TAFA4: variants seen among roughly 807,000 people sequenced by gnomAD.
The protein encoded by TAFA4 is chemokine-like protein TAFA-4.
In TAFA4, 20 loss-of-function variants were observed where a neutral mutation model predicts 21.1. The observed-to-expected ratio is 0.95, with a 90% CI of 0.67 to 1.38. The LOEUF (loss-of-function observed/expected upper bound fraction) is 1.38, where lower values mean the gene tolerates loss of function less well. Ranked by LOEUF, TAFA4 falls within the 40% of genes most tolerant of loss-of-function variation. The pLI is 0.00. For synonymous variants in TAFA4, 71 were observed against 67.4 expected (o/e 1.05, Z -0.26); for missense variants, 211 against 180.9 (o/e 1.17, Z -0.95).
chr3:68,874,672 A>T (rs2089525559), intron 3 of TAFA4, among the ~76,000 whole-genome samples: 1 of 152,116 alleles, frequency 6.6e-6, no homozygotes, highest in African/African-American at 2.4e-5. Flanking sequence ...TTCTGCCCTA[A>T]AGACTCAAAG....
chr3:68,847,131 C>G (rs1436051083), intron 3 of TAFA4, among the ~76,000 whole-genome samples: 1 of 152,198 alleles, frequency 6.6e-6, no homozygotes, highest in Non-Finnish European at 1.5e-5. Flanking sequence ...GTCCCTTCCC[C>G]GAGGTGATCT....
At chr3:68,915,910 A>C (rs1242290897) in intron 1 of TAFA4, among the ~76,000 whole-genome samples, 1 of 152,230 alleles carries the variant, frequency 6.6e-6, no homozygotes, top group Non-Finnish European at 1.5e-5. Flanking sequence ...TCCATTCAAT[A>C]AATATGGAAT....
chr3:68,918,971 G>C (rs2090031444), intron 1 of TAFA4, among the ~76,000 whole-genome samples: 1 of 152,096 alleles, frequency 6.6e-6, no homozygotes, highest in Admixed American at 6.5e-5. Context: ...TGTATACCAA[G>C]AGTAAACCTT....
chr3:68,788,999 T>G (rs1485479022), intron 3 of TAFA4, among the ~76,000 whole-genome samples: 1 of 151,986 alleles, frequency 6.6e-6, no homozygotes, highest in Non-Finnish European at 1.5e-5. Context: ...TTTGGGAGGC[T>G]GAGGTGGGTG....
At chr3:68,803,152 T>C (rs999797006) in intron 3 of TAFA4, among the ~76,000 whole-genome samples, 4 of 152,196 alleles carry the variant, frequency 2.6e-5, no homozygotes, top group East Asian at 1.9e-4. Context: ...TATTATTTTG[T>C]AGTTACCAGG....
intron 1 of TAFA4, among the ~76,000 whole-genome samples, chr3:68,920,937 G>A (rs1191232961): frequency 6.6e-6 from 1 of 152,246 alleles, no homozygotes; most frequent in East Asian, 1.9e-4. Context: ...GCCATCTCCA[G>A]CAGGGCCTTC....
chr3:68,762,755 G>T (rs1702779671), intron 3 of TAFA4, among the ~76,000 whole-genome samples: 1 of 152,198 alleles, frequency 6.6e-6, no homozygotes, highest in Admixed American at 6.5e-5. Flanking sequence ...AAGTGATGTT[G>T]GGGCCGGGCA....
At chr3:68,801,205 T>C (rs979282455) in intron 3 of TAFA4, among the ~76,000 whole-genome samples, 3 of 152,242 alleles carry the variant, frequency 2.0e-5, no homozygotes, top group African/African-American at 7.2e-5. Flanking sequence ...CTGATGGTCA[T>C]AGACATGTAG....
At chr3:68,856,018 G>A (rs1298798921) in intron 3 of TAFA4, among the ~76,000 whole-genome samples, 2 of 152,116 alleles carry the variant, frequency 1.3e-5, no homozygotes, top group Admixed American at 6.6e-5. Context: ...CTAAGATGGT[G>A]AGGCAGAAAA....
chr3:68,817,075 G>A (rs1383062223), intron 3 of TAFA4, among the ~76,000 whole-genome samples: 3 of 152,162 alleles, frequency 2.0e-5, no homozygotes, highest in Admixed American at 6.5e-5. Flanking sequence ...TCTGTAGCAT[G>A]TGATGCTGTT....
intron 3 of TAFA4, among the ~76,000 whole-genome samples, chr3:68,787,320 G>C (rs978054592): frequency 6.6e-6 from 1 of 152,146 alleles, no homozygotes; most frequent in African/African-American, 2.4e-5. Flanking sequence ...ACTCCCAGCT[G>C]TTCATCCATT....
chr3:68,740,941 G>A (rs942380523), intron 4 of TAFA4, among the ~76,000 whole-genome samples: 9 of 152,148 alleles, frequency 5.9e-5, no homozygotes, highest in Non-Finnish European at 5.9e-5. Context: ...CCCTGTCAAA[G>A]ACTAGTCAAC....
chr3:68,743,530 C>G (rs969090998), intron 4 of TAFA4, among the ~76,000 whole-genome samples: 1 of 149,472 alleles, frequency 6.7e-6, no homozygotes, highest in African/African-American at 2.5e-5. Flanking sequence ...GAGCCGAGAT[C>G]GCGCCACTGC....
At chr3:68,864,421 G>A (rs893893035) in intron 3 of TAFA4, among the ~76,000 whole-genome samples, 1 of 152,052 alleles carries the variant, frequency 6.6e-6, no homozygotes, top group African/African-American at 2.4e-5. Flanking sequence ...ATTAAAAATG[G>A]CTAAAATTAA....
intron 3 of TAFA4, among the ~76,000 whole-genome samples, chr3:68,844,312 T>G (rs1319146415): frequency 6.6e-6 from 1 of 152,318 alleles, no homozygotes; most frequent in East Asian, 1.9e-4. Context: ...CATAGAGGTG[T>G]TTATAGTATT....
At chr3:68,802,230 T>C (rs190490400) in intron 3 of TAFA4, among the ~76,000 whole-genome samples, 1 of 152,328 alleles carries the variant, frequency 6.6e-6, no homozygotes, top group East Asian at 1.9e-4. Flanking sequence ...TTATAAATGG[T>C]ATCTTTTTCT....
intron 1 of TAFA4, among the ~76,000 whole-genome samples, chr3:68,901,225 A>T (rs1342125222): frequency 6.6e-6 from 1 of 152,070 alleles, no homozygotes; most frequent in Non-Finnish European, 1.5e-5. Flanking sequence ...CAGGTCCCTG[A>T]AGGTCATTCT....
intron 3 of TAFA4, among the ~76,000 whole-genome samples, chr3:68,820,418 C>T (rs892195521): frequency 9.9e-5 from 15 of 152,086 alleles, no homozygotes; most frequent in African/African-American, 3.6e-4. Flanking sequence ...GTAGCTGACG[C>T]CTGCAATCTC....
chr3:68,759,563 TAAAAC>T lies in TAFA4; in HGVS notation c.131-6550_131-6546del, dbSNP rs140197298. On this transcript the variant is annotated intron_variant, in intron 3 of 5. Coordinates refer to ENST00000295569, the MANE Select transcript of TAFA4 (RefSeq NM_182522.5). ...AGTGGCCACTTCAAGTAAATTCACT[TAAAAC>T]AAAGATGAATTTTTCCTCTAAAACA... is the stretch of plus-strand genomic sequence containing the variant. 7.4e-3 allele frequency among the ~76,000 whole-genome samples: 1,134 copies of T among 152,300 alleles called. 15 individuals carry two copies. Among genetic ancestry groups the T allele is most frequent in the African/African-American group, 0.025 (1,050 of 41,568 alleles).
Sources: gnomAD v4.1 joint callset for allele counts (sites outside exome capture counted in the v4.1 genomes callset) on GRCh38, gnomAD v4.1.1 for gene constraint, MANE v1.5 for transcripts, NCBI Gene and HGNC (gene_info 2026-07-23, HGNC 2026-07-21) for gene names.